Variants in ABCA4 observed in about 807,000 individuals in gnomAD.
The protein encoded by ABCA4 is retinal-specific phospholipid-transporting ATPase ABCA4.
A neutral mutation model predicts 263.7 loss-of-function variants in ABCA4; 196 were observed. The observed-to-expected ratio is 0.74, with a 90% confidence interval of 0.66 to 0.84. The LOEUF (loss-of-function observed/expected upper bound fraction) is 0.84. Ranked by LOEUF, ABCA4 falls within the 40% of genes least tolerant of loss-of-function variation. The pLI, the probability that ABCA4 is intolerant of heterozygous loss-of-function variation, is 0.00. For missense variants in ABCA4, 2,792 were observed against 2,855.1 expected (o/e 0.98, Z 0.50); for synonymous variants, 1,133 against 1,094.2 (o/e 1.04, Z -0.70).
In ABCA4 at chr1:94,021,294, G is replaced by T; in HGVS notation, c.4964C>A (p.Thr1655Asn). The change falls in exon 35 of 50, where the codon ACC becomes AAC. Residue 1655 changes from threonine (T) to asparagine (N), a missense_variant. Coordinates refer to ENST00000370225, the MANE Select transcript of ABCA4 (RefSeq NM_000350.3). Reference sequence around the variant, plus strand: ...CAGGTTCAGGGGTTGGCTAATGACGGTGATTCCATACTCCTCGGGGCTCCT... The same window carrying T: ...CAGGTTCAGGGGTTGGCTAATGACGTTGATTCCATACTCCTCGGGGCTCCT... ...KDRSPEEYGITVISQPLNLTK... is the reference protein window; with the variant it reads ...KDRSPEEYGINVISQPLNLTK... The T allele has an allele frequency of 6.2e-7, 1 of 1,614,218 alleles. No individual in the cohort carries two copies. The highest frequency in any genetic ancestry group is 8.5e-7 in the Non-Finnish European group (1 of 1,180,038).
chr1:94,113,460 C>G (rs992076492), intron 1 of ABCA4, among the ~76,000 whole-genome samples: 1 of 152,222 alleles, frequency 6.6e-6, no homozygotes, highest in Admixed American at 6.5e-5. Context: ...GCTGATCTAA[C>G]AGGTAGTAAA....
intron 11 of ABCA4, among the ~76,000 whole-genome samples, chr1:94,064,755 C>T (rs1013282316): frequency 6.6e-6 from 1 of 151,986 alleles, no homozygotes; most frequent in Non-Finnish European, 1.5e-5. Flanking sequence ...TGGGACCGGA[C>T]GGTTTGCCCT....
intron 17 of ABCA4, 88 bp from the exon 18 acceptor site, chr1:94,049,045 A>C (rs1490233101): frequency 1.5e-6 from 2 of 1,320,978 alleles, no homozygotes; most frequent in Admixed American, 3.5e-5. Flanking sequence ...ACAGGGAGCA[A>C]ATGAGTTTCC....
rs755226781 is a variant in ABCA4, at chr1:94,077,857, A to G, written c.1387T>C (p.Phe463Leu). The G allele has an allele frequency of 8.1e-6, 13 of 1,614,244 alleles. No individual in the cohort carries two copies. Among genetic ancestry groups the G allele is most frequent in the Non-Finnish European group, 1.1e-5 (13 of 1,180,036 alleles). Residue 463 changes from phenylalanine (F) to leucine (L), a missense_variant, in exon 11 of 50, where the codon TTT becomes CTT. Transcript: ENST00000370225. ...TCTTCACCAAGCTGCCTATTCAAAA[A>G]GTCTTTTACTGTTGGGTTCCCCAGG... ...DTLGNPTVKD[F>L]LNRQLGEEGI...
chr1:94,041,429 C>A (rs1228899852), intron 22 of ABCA4, 27 bp from the exon 23 acceptor site: 18 of 1,611,848 alleles, frequency 1.1e-5, no homozygotes, highest in Non-Finnish European at 1.5e-5. Context: ...AGGGCAATCA[C>A]CAGGCCTGCC....
chr1:94,090,817 T>C (rs1230751482), intron 6 of ABCA4, among the ~76,000 whole-genome samples: 1 of 152,188 alleles, frequency 6.6e-6, no homozygotes, highest in Non-Finnish European at 1.5e-5. Context: ...GTAAATAAAC[T>C]ATAACAGAGT....
At chr1:94,118,612 C>A (rs1270312369) in intron 1 of ABCA4, among the ~76,000 whole-genome samples, 1 of 152,164 alleles carries the variant, frequency 6.6e-6, no homozygotes, top group Non-Finnish European at 1.5e-5. Context: ...AGGTGGGGAG[C>A]CATCGGGAGG....
At position 94,024,831 on chromosome 1, in the gene ABCA4, T is replaced by C. The variant is rs1445118843; in HGVS notation, c.4634+123A>G. On this transcript the variant is annotated intron_variant, in intron 31 of 49. Transcript: ENST00000370225. ...TGTTGAATGGGGCCCTCAAATCAGATAAAAAAGAAAAAAATCTACTGCCCT... is the reference window on the plus strand; with the variant it reads ...TGTTGAATGGGGCCCTCAAATCAGACAAAAAAGAAAAAAATCTACTGCCCT... 1.1e-5 allele frequency: 9 copies of C among 850,172 alleles called. No homozygotes were observed. In the Admixed American group the frequency reaches 1.1e-4, roughly 11 times the overall value. The allele number at this position is 850,172 out of a possible 1,614,324, so 52.7% of individuals were successfully genotyped here.
intron 5 of ABCA4, among the ~76,000 whole-genome samples, chr1:94,102,672 T>G (rs1292303732): frequency 6.6e-6 from 1 of 152,160 alleles, no homozygotes; most frequent in Non-Finnish European, 1.5e-5. Flanking sequence ...TGTGTTCTAG[T>G]ACCTACAACT....
chr1:94,117,180 A>ACTGAGCCTGTTAAATTTTCTTC (rs1662813633), intron 1 of ABCA4, among the ~76,000 whole-genome samples: 1 of 151,624 alleles, frequency 6.6e-6, no homozygotes, highest in Non-Finnish European at 1.5e-5. Context: ...TTGTTTTAGA[A>ACTGAGCCTGTTAAATTTTCTTC]CTGAGCCTGT....
intron 6 of ABCA4, among the ~76,000 whole-genome samples, chr1:94,097,874 T>C (rs1020467801): frequency 6.6e-6 from 1 of 152,262 alleles, no homozygotes; most frequent in Non-Finnish European, 1.5e-5. Flanking sequence ...CTCAGCCTCC[T>C]CAGTAGCTGG....
In ABCA4 at chr1:94,055,212, G is replaced by A. The variant is rs139250920; in HGVS notation, c.2486C>T (p.Thr829Met). ...CAGGAAGCTGAATTCGTCCCCTTCC[G>A]TGGGACTGTTCCCGATGTTGCTCCA... ...LQWSNIGNSPTEGDEFSFLLS... is the reference protein window; with the variant it reads ...LQWSNIGNSPMEGDEFSFLLS... Residue 829 changes from threonine (T) to methionine (M), a missense_variant, in exon 16 of 50, where the codon ACG (threonine) becomes ATG (methionine). Coordinates refer to ENST00000370225, the MANE Select transcript of ABCA4 (RefSeq NM_000350.3). The A allele has an allele frequency of 1.4e-4, 223 of 1,614,000 alleles. 3 individuals carry two copies. In the Middle Eastern group the frequency reaches 8.9e-3, roughly 64 times the overall value.
In ABCA4 at chr1:94,068,124, G is replaced by A. The variant is rs936474496; in HGVS notation, c.1555-4807C>T. On this transcript the variant is annotated intron_variant, in intron 11 of 49. Transcript: ENST00000370225. ...GAGCTGATCCATAACACCTCATTTG[G>A]TTAGAACAATGCTATGGACAGATGC... Among the ~76,000 whole-genome samples the A allele has an allele frequency of 5.3e-5, 8 of 152,126 alleles. No individual in the cohort carries two copies. In the South Asian group the frequency reaches 1.7e-3, roughly 32 times the overall value.
At chr1:94,053,619 T>C (rs1262438490) in intron 16 of ABCA4, among the ~76,000 whole-genome samples, 4 of 152,238 alleles carry the variant, frequency 2.6e-5, no homozygotes, top group Admixed American at 2.6e-4. Context: ...GAATGCCATG[T>C]GCAGACGAAG....
At chr1:94,023,912 C>T (rs1185977687) in intron 31 of ABCA4, among the ~76,000 whole-genome samples, 1 of 152,196 alleles carries the variant, frequency 6.6e-6, no homozygotes, top group Non-Finnish European at 1.5e-5. Context: ...CAGATGCCAA[C>T]TCTGGACCCC....
rs2297669 is a variant in ABCA4 at position 94,001,069 on chromosome 1, G to A, written c.6319C>T (p.Arg2107Cys). 59 of 1,613,986 alleles carry A rather than the reference G, an allele frequency of 3.7e-5. No homozygotes were observed. Among genetic ancestry groups the A allele is most frequent in the Non-Finnish European group, 4.2e-5 (50 of 1,180,028 alleles). The change falls in exon 46 of 50, where the codon CGC becomes TGC. Residue 2107 changes from arginine to cysteine, a missense_variant. Physicochemically the swap from Arg to Cys is radical, Grantham distance 180. Transcript: ENST00000370225. ...CTCACGATGACGTTCCACAGCATGC[G>A]GCGTGCCTGGGGGTCCATCCCTGTG... ...PTTGMDPQAR[R>C]MLWNVIVSII... is the part of the protein sequence containing the mutation.
At chr1:94,052,351 C>T (rs923019181) in intron 16 of ABCA4, among the ~76,000 whole-genome samples, 1 of 152,188 alleles carries the variant, frequency 6.6e-6, no homozygotes, top group African/African-American at 2.4e-5. Flanking sequence ...AAGTTCTGCT[C>T]CCTACAAAAT....
intron 42 of ABCA4, 110 bp downstream of exon 42, chr1:94,008,125 T>G (rs763801033): frequency 1.3e-4 from 128 of 985,476 alleles, no homozygotes; most frequent in Non-Finnish European, 1.8e-4. Context: ...ATATGTGACT[T>G]GCATTATGGC....
intron 10 of ABCA4, among the ~76,000 whole-genome samples, 192 bp from the exon 11 acceptor site, chr1:94,078,079 A>G (rs1339950531): frequency 2.0e-5 from 3 of 152,164 alleles, no homozygotes; most frequent in Non-Finnish European, 4.4e-5. Flanking sequence ...GGGTCTCTAG[A>G]ATAGAGGGAA....
Sources: gnomAD v4.1 joint callset for allele counts (sites outside exome capture counted in the v4.1 genomes callset) on GRCh38, gnomAD v4.1.1 for gene constraint, MANE v1.5 for transcripts, NCBI Gene and HGNC (gene_info 2026-07-23, HGNC 2026-07-21) for gene names.